The following SBF2 variants were observed in gnomAD, a reference collection of about 807,000 sequenced individuals.
SBF2 encodes the protein SET binding factor 2.
In SBF2, 112 loss-of-function variants were observed where a neutral mutation model predicts 225.2. The observed-to-expected ratio is 0.50, with a 90% CI of 0.43 to 0.58. The LOEUF is 0.58. SBF2 is among the 20% of genes least tolerant of loss of function. SBF2 has a pLI of 0.00. For synonymous variants in SBF2, 763 were observed against 773.3 expected (o/e 0.99, Z 0.22); for missense variants, 1,996 against 2,206.2 (o/e 0.90, Z 1.91).
At position 9,921,298 on chromosome 11, in the gene SBF2, G is replaced by A. The variant is rs902155145; in HGVS notation, c.1861-25287C>T. 2.8e-4 allele frequency among the ~76,000 whole-genome samples: 42 copies of A among 152,048 alleles called. 1 individual carries two copies. Among genetic ancestry groups the A allele is most frequent in the Non-Finnish European group, 1.5e-5 (1 of 68,014 alleles). On this transcript the variant is annotated intron_variant, in intron 16 of 39. Transcript: ENST00000256190. ...TTGGTCAGGTTGGTCTCCTACTCCC[G>A]ACCTCAGGTTATCCGCCCGCCTGGG...
intron 2 of SBF2, among the ~76,000 whole-genome samples, chr11:10,149,001 A>T (rs188428478): frequency 4.6e-5 from 7 of 152,276 alleles, no homozygotes; most frequent in Admixed American, 3.3e-4. Context: ...GACAGCTTTT[A>T]GGGCTCAATG....
chr11:10,260,886 A>G (rs368892698), intron 1 of SBF2, among the ~76,000 whole-genome samples: 8 of 151,636 alleles, frequency 5.3e-5, no homozygotes, highest in African/African-American at 1.9e-4. Context: ...TCAAAAAAGA[A>G]AAGAAAGAAG....
chr11:9,898,300 G>T (rs1411763273), intron 16 of SBF2, among the ~76,000 whole-genome samples: 1 of 152,112 alleles, frequency 6.6e-6, no homozygotes, highest in Non-Finnish European at 1.5e-5. Flanking sequence ...GTTTTCAATT[G>T]AATTTCATGT....
intron 1 of SBF2, among the ~76,000 whole-genome samples, chr11:10,278,774 A>G (rs1963172758): frequency 6.9e-6 from 1 of 144,524 alleles, no homozygotes; most frequent in African/African-American, 2.6e-5. Flanking sequence ...AACAAGAACG[A>G]AACTCCATCT....
At chr11:9,910,933 C>T (rs1386393629) in intron 16 of SBF2, among the ~76,000 whole-genome samples, 6 of 150,326 alleles carry the variant, frequency 4.0e-5, no homozygotes, top group African/African-American at 1.5e-4. Context: ...GTGGTGCACG[C>T]CTGTAGTCCC....
chr11:9,896,137 G>T, intron 16 of SBF2, 126 bp from the exon 17 acceptor site: 1 of 774,436 alleles, frequency 1.3e-6, no homozygotes, highest in Middle Eastern at 2.4e-4. Context: ...TTTTGCAGAG[G>T]ACCTGACGGA....
intron 21 of SBF2, among the ~76,000 whole-genome samples, chr11:9,851,927 G>A (rs765817676): frequency 2.0e-5 from 3 of 152,034 alleles, no homozygotes; most frequent in Non-Finnish European, 4.4e-5. Context: ...ACACCACCAC[G>A]GCTGGCTAAC....
intron 12 of SBF2, 44 bp from the exon 13 acceptor site, chr11:9,989,639 G>A: frequency 1.7e-6 from 2 of 1,149,522 alleles, no homozygotes; most frequent in South Asian, 1.3e-5. Context: ...TCCAAAATAT[G>A]CCAAATTCAA....
At chr11:10,269,393 G>C (rs1318184427) in intron 1 of SBF2, among the ~76,000 whole-genome samples, 2 of 152,198 alleles carry the variant, frequency 1.3e-5, no homozygotes, top group African/African-American at 2.4e-5. Flanking sequence ...GCTTAAAGTA[G>C]AGGGTAGGGT....
At chr11:10,123,382 T>C (rs958899207) in intron 2 of SBF2, among the ~76,000 whole-genome samples, 1 of 152,228 alleles carries the variant, frequency 6.6e-6, no homozygotes, top group African/African-American at 2.4e-5. Flanking sequence ...TCACTTGTTC[T>C]ACTTTATCTG....
intron 16 of SBF2, among the ~76,000 whole-genome samples, chr11:9,945,989 T>C (rs1865540075): frequency 6.6e-6 from 1 of 152,008 alleles, no homozygotes; most frequent in Admixed American, 6.6e-5. Context: ...CTGGTGGGAA[T>C]GTAAATTAGC....
intron 6 of SBF2, among the ~76,000 whole-genome samples, chr11:10,010,341 G>C (rs1948392670): frequency 6.6e-6 from 1 of 152,138 alleles, no homozygotes; most frequent in South Asian, 2.1e-4. Context: ...GTATTGCCTA[G>C]ATCTTCTTCT....
chr11:10,293,942 G>A, intron 1 of SBF2, 73 bp downstream of exon 1: 3 of 1,147,390 alleles, frequency 2.6e-6, no homozygotes, highest in Non-Finnish European at 2.2e-6. Context: ...CCCGACGCCC[G>A]GCCCCGCGGA....
At chr11:10,226,320 ATTT>A (rs1310984104) in intron 1 of SBF2, among the ~76,000 whole-genome samples, 1 of 151,934 alleles carries the variant, frequency 6.6e-6, no homozygotes, top group Non-Finnish European at 1.5e-5. Context: ...GTACACATGT[ATTT>A]TTTTCTTAAT....
At chr11:10,061,027 CA>C (rs899231273) in intron 2 of SBF2, among the ~76,000 whole-genome samples, 5 of 148,192 alleles carry the variant, frequency 3.4e-5, no homozygotes, top group Middle Eastern at 3.2e-3. Flanking sequence ...GACTCCATCT[CA>C]AAAAAAAATA....
intron 2 of SBF2, among the ~76,000 whole-genome samples, chr11:10,095,748 ATTTTAATCACACGTACTGC>A (rs1260106631): frequency 6.6e-6 from 1 of 152,138 alleles, no homozygotes; most frequent in Non-Finnish European, 1.5e-5. Flanking sequence ...ACACATACTG[ATTTTAATCACACGTACTGC>A]TTTTAATCAC....
intron 16 of SBF2, among the ~76,000 whole-genome samples, chr11:9,921,361 C>T (rs1025995854): frequency 2.0e-5 from 3 of 152,144 alleles, no homozygotes; most frequent in Admixed American, 1.3e-4. Context: ...TCAGCCACCG[C>T]GTCCAGCCAG....
At chr11:9,865,802 T>C (rs572957530) in intron 17 of SBF2, among the ~76,000 whole-genome samples, 17 of 150,548 alleles carry the variant, frequency 1.1e-4, no homozygotes, top group East Asian at 3.9e-4. Context: ...GAGCCAGAGA[T>C]GGGATTTGAA....
chr11:10,153,918 C>G (rs1036657189), intron 2 of SBF2, among the ~76,000 whole-genome samples: 3 of 152,090 alleles, frequency 2.0e-5, no homozygotes, highest in African/African-American at 7.2e-5. Flanking sequence ...GTTGAAAAGA[C>G]TATCCTTTCT....
Sources: gnomAD v4.1 joint callset for allele counts (sites outside exome capture counted in the v4.1 genomes callset) on GRCh38, gnomAD v4.1.1 for gene constraint, MANE v1.5 for transcripts, NCBI Gene and HGNC (gene_info 2026-07-23, HGNC 2026-07-21) for gene names.